The following DHRSX variants were observed in gnomAD, a reference collection of about 807,000 sequenced individuals.
The protein encoded by DHRSX is polyprenol dehydrogenase.
DHRSX carries 31 observed loss-of-function variants against 34.0 expected under a neutral mutation model. The observed-to-expected ratio is 0.91, with a 90% CI of 0.69 to 1.23. The LOEUF is 1.23. Ranked by LOEUF, DHRSX falls within the 50% of genes most tolerant of loss-of-function variation. The pLI is 0.00. For missense variants in DHRSX, 414 were observed against 428.1 expected, an observed-to-expected ratio of 0.97 and a Z score of 0.29; for synonymous variants, 201 against 183.8, an observed-to-expected ratio of 1.09 and a Z score of -0.76.
chrX:2,485,095 G>A (rs2044853609), intron 1 of DHRSX, among the ~76,000 whole-genome samples: 1 of 152,188 alleles, frequency 6.6e-6, no homozygotes, highest in Admixed American at 6.5e-5. Context: ...GGGCTGTGCA[G>A]CCAGATGCAA....
At chrX:2,262,645 C>A (rs1180933869) in intron 5 of DHRSX, among the ~76,000 whole-genome samples, 1 of 152,222 alleles carries the variant, frequency 6.6e-6, no homozygotes, top group African/African-American at 2.4e-5. Context: ...GGAGAAGCAG[C>A]CCCTCCCGGC....
At chrX:2,266,073 C>G (rs1225708860) in intron 5 of DHRSX, among the ~76,000 whole-genome samples, 1 of 147,772 alleles carries the variant, frequency 6.8e-6, no homozygotes, top group Non-Finnish European at 1.5e-5. Flanking sequence ...CCCCAGAGCA[C>G]CAGTGCTCGG....
At chrX:2,494,022 G>C (rs2045224187) in intron 1 of DHRSX, among the ~76,000 whole-genome samples, 3 of 151,434 alleles carry the variant, frequency 2.0e-5, no homozygotes, top group African/African-American at 7.3e-5. Context: ...TATTACTATT[G>C]TTTTTAGGCT....
chrX:2,291,785 C>T (rs1156962668), intron 3 of DHRSX, among the ~76,000 whole-genome samples, 182 bp from the exon 4 acceptor site: 7 of 151,956 alleles, frequency 4.6e-5, no homozygotes, highest in Admixed American at 4.6e-4. Context: ...AGGATCTCAG[C>T]TCACTGCAGC....
chrX:2,385,138 A>G (rs751964649), intron 3 of DHRSX, among the ~76,000 whole-genome samples: 190 of 125,626 alleles, frequency 1.5e-3, no homozygotes, highest in African/African-American at 4.6e-3. Flanking sequence ...GTGTGTGTGT[A>G]TGTGTATATA....
At chrX:2,276,871 A>G (rs62595528) in intron 4 of DHRSX, among the ~76,000 whole-genome samples, 2,951 of 23,792 alleles carry the variant, frequency 0.12, 311 homozygotes, top group Non-Finnish European at 0.16. Flanking sequence ...AGGGAGAGAG[A>G]AGGAGGGGAG....
At chrX:2,302,047 C>T (rs748127840) in intron 3 of DHRSX, among the ~76,000 whole-genome samples, 1 of 152,244 alleles carries the variant, frequency 6.6e-6, no homozygotes, top group South Asian at 2.1e-4. Context: ...GCAGCACACA[C>T]CTGAGGTTGA....
chrX:2,441,313 C>G (rs757101696), intron 1 of DHRSX, among the ~76,000 whole-genome samples: 1 of 152,156 alleles, frequency 6.6e-6, no homozygotes, highest in African/African-American at 2.4e-5. Context: ...TCCAAGGCAA[C>G]GCGGTGGAAT....
intron 3 of DHRSX, among the ~76,000 whole-genome samples, chrX:2,318,537 T>A (rs2042268311): frequency 1.4e-5 from 2 of 144,936 alleles, no homozygotes; most frequent in Admixed American, 1.4e-4. Context: ...TCACTGTTCA[T>A]TATACGCTAA....
intron 6 of DHRSX, among the ~76,000 whole-genome samples, chrX:2,231,564 CTCT>C (rs1336129275): frequency 6.7e-6 from 1 of 149,462 alleles, no homozygotes; most frequent in Non-Finnish European, 1.5e-5. Context: ...TCCTTTTTCT[CTCT>C]TCTTCCTCCT....
chrX:2,343,092 G>A (rs990144927), intron 3 of DHRSX, among the ~76,000 whole-genome samples: 4 of 152,022 alleles, frequency 2.6e-5, no homozygotes, highest in Non-Finnish European at 5.9e-5. Flanking sequence ...ACCCGTCTCC[G>A]ACCAAAAACA....
At chrX:2,303,807 GGAT>G (rs2042047810) in intron 3 of DHRSX, among the ~76,000 whole-genome samples, 1 of 98,490 alleles carries the variant, frequency 1.0e-5, no homozygotes, top group Non-Finnish European at 2.1e-5. Flanking sequence ...GTGGGTGGGT[GGAT>G]GGGTGGGTGG....
At chrX:2,401,473 TGAG>T (rs913297357) in intron 3 of DHRSX, among the ~76,000 whole-genome samples, 6 of 152,072 alleles carry the variant, frequency 3.9e-5, no homozygotes, top group African/African-American at 1.4e-4. Flanking sequence ...TTATAGAAAA[TGAG>T]GACACCGTGC....
At chrX:2,268,521 A>G (rs1264112631) in intron 4 of DHRSX, among the ~76,000 whole-genome samples, 3 of 152,212 alleles carry the variant, frequency 2.0e-5, no homozygotes, top group Non-Finnish European at 4.4e-5. Context: ...TAATTCAAAG[A>G]TATATGCCTA....
chrX:2,394,051 AT>A (rs2043377936), intron 3 of DHRSX, among the ~76,000 whole-genome samples: 1 of 152,154 alleles, frequency 6.6e-6, no homozygotes, highest in Non-Finnish European at 1.5e-5. Context: ...GACTGCTATG[AT>A]TTTTCACAGA....
intron 3 of DHRSX, among the ~76,000 whole-genome samples, chrX:2,320,108 T>C (rs1210957117): frequency 3.3e-5 from 5 of 151,784 alleles, no homozygotes; most frequent in Non-Finnish European, 1.5e-5. Context: ...GGATGACAGT[T>C]GTGAGCCACT....
At chrX:2,464,139 G>A (rs376826688) in intron 1 of DHRSX, among the ~76,000 whole-genome samples, 1 of 151,952 alleles carries the variant, frequency 6.6e-6, no homozygotes, top group Non-Finnish European at 1.5e-5. Context: ...TGTACGCACT[G>A]AAGACGCTCC....
intron 3 of DHRSX, among the ~76,000 whole-genome samples, chrX:2,386,901 T>C (rs1408102696): frequency 6.6e-6 from 1 of 150,956 alleles, no homozygotes; most frequent in Non-Finnish European, 1.5e-5. Context: ...TTTTTTTGCT[T>C]CTCTGCTACT....
In DHRSX at chrX:2,329,359, T is replaced by C. The variant is rs180678318; in HGVS notation, c.287-37756A>G. ...TGAATCAGTGCTGCTACAATACTTT[T>C]GGATTGTGCGGTTCAAACGCCATAT... On this transcript the variant is annotated intron_variant, in intron 3 of 6. Transcript: ENST00000334651. Among the ~76,000 whole-genome samples the C allele has an allele frequency of 1.4e-3, 211 of 152,280 alleles. 3 individuals carry two copies. In the Middle Eastern group the frequency reaches 0.024, roughly 17 times the overall value.
Sources: allele counts gnomAD v4.1 joint callset (sites outside exome capture counted in the v4.1 genomes callset), GRCh38; gene constraint gnomAD v4.1.1; transcripts MANE v1.5; gene names NCBI Gene and HGNC (gene_info 2026-07-23, HGNC 2026-07-21).